Variants in FAT2 observed in about 807,000 individuals in gnomAD.
FAT2 encodes the protein protocadherin Fat 2.
A neutral mutation model predicts 295.3 loss-of-function variants in FAT2; 150 were observed. That is an observed-to-expected ratio of 0.51 (90% CI 0.44 to 0.58). FAT2 has a LOEUF of 0.58. Ranked by LOEUF, FAT2 falls within the 20% of genes least tolerant of loss-of-function variation. The pLI, the probability that FAT2 is intolerant of heterozygous loss-of-function variation, is 0.00. For missense variants in FAT2, 4,868 were observed against 5,442.7 expected, an observed-to-expected ratio of 0.89 and a Z score of 3.32; for synonymous variants, 2,026 against 2,150.3, an observed-to-expected ratio of 0.94 and a Z score of 1.60.
At chr5:151,520,885 G>C (rs919662928) in intron 19 of FAT2, among the ~76,000 whole-genome samples, 2 of 152,196 alleles carry the variant, frequency 1.3e-5, no homozygotes, top group African/African-American at 4.8e-5. Context: ...GCAAGCACTT[G>C]ATACATAGTA....
chr5:151,581,620 G>C (rs575666654), intron 1 of FAT2, among the ~76,000 whole-genome samples: 2 of 152,338 alleles, frequency 1.3e-5, no homozygotes, highest in Admixed American at 6.5e-5. Flanking sequence ...TCTCTTTTAA[G>C]CTAGCTTACA....
chr5:151,518,368 A>ATTATTATTATTATT (rs775348701), intron 19 of FAT2, among the ~76,000 whole-genome samples: 10,807 of 82,196 alleles, frequency 0.13, 521 homozygotes, highest in East Asian at 0.48. Flanking sequence ...TAATAATAAT[A>ATTATTATTATTATT]ATAATAATTT....
intron 12 of FAT2, among the ~76,000 whole-genome samples, chr5:151,535,841 C>T (rs975566608): frequency 3.3e-5 from 5 of 152,022 alleles, no homozygotes; most frequent in Non-Finnish European, 4.4e-5. Context: ...GAGGGGTCTC[C>T]GCTGCTTGTT....
At chr5:151,513,260 T>C (rs1260438201) in intron 20 of FAT2, among the ~76,000 whole-genome samples, 1 of 152,208 alleles carries the variant, frequency 6.6e-6, no homozygotes, top group Admixed American at 6.5e-5. Flanking sequence ...GGAAAGTAAT[T>C]ATTTTTCATA....
chr5:151,575,391 A>G (rs114653726), intron 1 of FAT2, among the ~76,000 whole-genome samples: 2,092 of 152,328 alleles, frequency 0.014, 45 homozygotes, highest in African/African-American at 0.046. Flanking sequence ...GGGCTCTGGA[A>G]TCAGACAGAC....
At chr5:151,562,326 A>G (rs1437992007) in intron 3 of FAT2, among the ~76,000 whole-genome samples, 3 of 152,116 alleles carry the variant, frequency 2.0e-5, no homozygotes, top group Admixed American at 2.0e-4. Flanking sequence ...GGAAAACAGG[A>G]TGTTGGGTTC....
At chr5:151,577,517 T>C (rs1217514008) in intron 1 of FAT2, among the ~76,000 whole-genome samples, 1 of 152,162 alleles carries the variant, frequency 6.6e-6, no homozygotes, top group African/African-American at 2.4e-5. Flanking sequence ...TGAAAAGCGA[T>C]ATAAAGAAAC....
intron 15 of FAT2, among the ~76,000 whole-genome samples, chr5:151,528,779 G>A (rs1421066528): frequency 6.6e-6 from 1 of 152,140 alleles, no homozygotes; most frequent in African/African-American, 2.4e-5. Flanking sequence ...TAAATGCAAA[G>A]AGGTATTATT....
At chr5:151,520,868 G>C (rs972823253) in intron 19 of FAT2, among the ~76,000 whole-genome samples, 1 of 152,186 alleles carries the variant, frequency 6.6e-6, no homozygotes, top group African/African-American at 2.4e-5. Flanking sequence ...GTCAGGCACT[G>C]TTCTAAGCAA....
intron 17 of FAT2, among the ~76,000 whole-genome samples, 196 bp downstream of exon 17, chr5:151,527,038 A>T (rs373479777): frequency 2.2e-4 from 33 of 152,328 alleles, no homozygotes; most frequent in East Asian, 1.9e-3. Flanking sequence ...GAGGTAATGG[A>T]TATGAAAGTG....
In FAT2 at chr5:151,512,438, C is replaced by T; in HGVS notation, c.11632G>A (p.Val3878Ile). Reference sequence around the variant, plus strand: ...CTCAGACCACGGCAGTTCTCTGGGACCACAAGGGAGGTGTTGCCCATGCTG... The same window carrying T: ...CTCAGACCACGGCAGTTCTCTGGGATCACAAGGGAGGTGTTGCCCATGCTG... The part of the protein sequence containing the change: ...VDSMGNTSLV[V>I]PENCRGLRPE... The change falls in exon 21 of 24, where the codon GTC (valine) becomes ATC (isoleucine). Residue 3878 changes from valine (V) to isoleucine (I), a missense_variant. Coordinates refer to ENST00000261800, the MANE Select transcript of FAT2 (RefSeq NM_001447.3). This position sits in a 1 kb window ranked among gnomAD's most constrained non-coding sequence, Gnocchi z 4.1. The T allele has an allele frequency of 1.2e-6, 2 of 1,614,228 alleles. No individual in the cohort carries two copies. Among genetic ancestry groups the T allele is most frequent in the Non-Finnish European group, 1.7e-6 (2 of 1,180,050 alleles).
At chr5:151,513,187 T>C (rs889983968) in intron 20 of FAT2, among the ~76,000 whole-genome samples, 5 of 152,364 alleles carry the variant, frequency 3.3e-5, no homozygotes, top group Non-Finnish European at 5.9e-5. Flanking sequence ...CTATCTTCTA[T>C]TAAGCCAGGC....
chr5:151,513,249 C>T (rs569701280), intron 20 of FAT2, among the ~76,000 whole-genome samples: 244 of 152,116 alleles, frequency 1.6e-3, no homozygotes, highest in South Asian at 7.5e-3. Flanking sequence ...CTTTTTCTTT[C>T]GGAAAGTAAT....
At chr5:151,560,109 C>T (rs1437712889) in intron 3 of FAT2, among the ~76,000 whole-genome samples, 3 of 152,176 alleles carry the variant, frequency 2.0e-5, no homozygotes, top group Non-Finnish European at 4.4e-5. Context: ...ATCTTTAACT[C>T]CTCTTACCCT....
Position 151,553,192 on chromosome 5 carries a change from A to C in FAT2, c.4141T>G (p.Trp1381Gly). 1 of 1,614,262 alleles carries C rather than the reference A, an allele frequency of 6.2e-7. No homozygotes were observed. Among genetic ancestry groups the C allele is most frequent in the Non-Finnish European group, 8.5e-7 (1 of 1,180,042 alleles). Residue 1381 changes from tryptophan to glycine, a missense_variant, in exon 6 of 24, where the codon TGG (tryptophan) becomes GGG (glycine). Physicochemically the swap from Trp to Gly is radical, Grantham distance 184. This residue lies in a region of FAT2 where 3,297 missense variants were observed against 3,669.4 expected (regional missense o/e 0.90). Transcript: ENST00000261800. ...CTTGCCTCACCTGAGATGTTGAACC[A>C]GAAGAGTCCGGGTCTGCCCTCTACG... ...ISVEGRPGLF[W>G]FNISGGDKDM...
rs192745573 is a variant in FAT2, at chr5:151,518,780, G to A, written c.11318-1015C>T. Among the ~76,000 whole-genome samples, 8 of 152,286 alleles carry A rather than the reference G, an allele frequency of 5.3e-5. No homozygotes were observed. In the East Asian group the frequency reaches 1.5e-3, roughly 29 times the overall value. On this transcript the variant is annotated intron_variant, in intron 19 of 23. Coordinates refer to ENST00000261800, the MANE Select transcript of FAT2 (RefSeq NM_001447.3). ...CTTTGACTGTGGGACACTCTTATGTGGACCACTCTTGGGAATAGCATTCTG... is the reference window on the plus strand; with the variant it reads ...CTTTGACTGTGGGACACTCTTATGTAGACCACTCTTGGGAATAGCATTCTG...
intron 20 of FAT2, 114 bp downstream of exon 20, chr5:151,517,506 C>G: frequency 7.6e-7 from 1 of 1,313,004 alleles, no homozygotes; most frequent in Non-Finnish European, 1.1e-6. Flanking sequence ...TCCCTGAAAA[C>G]TGTGCAGGGA....
rs549763263 is a variant in FAT2, at chr5:151,538,385, C to T, written c.9040-439G>A. ...AGGTCAACCTCCCCTGCCTCTGTGG[C>T]GAGGCCATGCTATTAAGCTCATCTC... is the stretch of plus-strand genomic sequence containing the variant. On this transcript the variant is annotated intron_variant, in intron 11 of 23. Coordinates refer to ENST00000261800, the MANE Select transcript of FAT2 (RefSeq NM_001447.3). Among the ~76,000 whole-genome samples, 168 of 152,240 alleles carry T rather than the reference C, an allele frequency of 1.1e-3. 1 individual carries two copies. Among genetic ancestry groups the T allele is most frequent in the Non-Finnish European group, 1.3e-3 (90 of 68,016 alleles).
At chr5:151,524,115 GCTTGAAAAATGAGCTT>G (rs1332887972) in intron 18 of FAT2, among the ~76,000 whole-genome samples, 2 of 152,018 alleles carry the variant, frequency 1.3e-5, no homozygotes, top group Admixed American at 6.6e-5. Context: ...ACTCTATAGA[GCTTGAAAAATGAGCTT>G]CCTGAGACAC....
Sources: gnomAD v4.1 joint callset for allele counts (sites outside exome capture counted in the v4.1 genomes callset) on GRCh38, gnomAD v4.1.1 for gene constraint, gnomAD v4.1.1 regional missense constraint, Gnocchi (gnomAD v3.1) non-coding constraint, MANE v1.5 for transcripts, NCBI Gene and HGNC (gene_info 2026-07-23, HGNC 2026-07-21) for gene names.